The following ADAM8 variants were observed in gnomAD, a reference collection of about 807,000 sequenced individuals.
The protein encoded by ADAM8 is disintegrin and metalloproteinase domain-containing protein 8.
Under a neutral mutation model 102.4 loss-of-function variants are expected in ADAM8, and 104 were observed. That is an observed-to-expected ratio of 1.02 (90% CI 0.87 to 1.20). ADAM8 has a LOEUF of 1.20. ADAM8 is among the 50% of genes most tolerant of loss of function. The probability of loss-of-function intolerance (pLI) is 0.00; values close to 1 mark genes in which losing one functional copy is unlikely to be tolerated. For synonymous variants in ADAM8, 517 were observed against 485.2 expected (o/e 1.07, Z -0.86); for missense variants, 1,132 against 1,159.0 (o/e 0.98, Z 0.34).
intron 11 of ADAM8, 26 bp from the exon 12 acceptor site, chr10:133,271,731 G>C: frequency 6.4e-7 from 1 of 1,571,334 alleles, no homozygotes; most frequent in Non-Finnish European, 8.6e-7. Flanking sequence ...AGCATTGGGG[G>C]AGGCGGCCTG....
chr10:133,275,643 G>C, intron 1 of ADAM8, 56 bp from the exon 2 acceptor site: 4 of 958,304 alleles, frequency 4.2e-6, no homozygotes, highest in Non-Finnish European at 6.0e-6. Context: ...TTCCTTCCCA[G>C]AGGCCTCCTG....
chr10:133,272,177 G>A lies in ADAM8; in HGVS notation c.957+16C>T, dbSNP rs1401906865. On this transcript the variant is annotated intron_variant, in intron 10 of 22. Coordinates refer to ENST00000445355, the MANE Select transcript of ADAM8 (RefSeq NM_001109.5). ...TCTGGCCTCGGCCTGGCAAACCCGGGCAGGAGCCCCCTCACCTGGTTCACA... is the reference window on the plus strand; with the variant it reads ...TCTGGCCTCGGCCTGGCAAACCCGGACAGGAGCCCCCTCACCTGGTTCACA... 6.5e-7 allele frequency: 1 copy of A among 1,549,652 alleles called. No homozygotes were observed. The highest frequency in any genetic ancestry group is 2.0e-5 in the Admixed American group (1 of 50,970).
Position 133,271,711 on chromosome 10 carries a change from G to C in ADAM8, c.1107-6C>G, listed in dbSNP as rs762047716. On this transcript the variant is annotated splice_region_variant and splice_polypyrimidine_tract_variant and intron_variant, in intron 11 of 22. Coordinates refer to ENST00000445355, the MANE Select transcript of ADAM8 (RefSeq NM_001109.5). Reference sequence around the variant, plus strand: ...ACATCCTGGGGAAACTGGAGCTGGGGAGGCGGGGCAGCATTGGGGGAGGCG... The same window carrying C: ...ACATCCTGGGGAAACTGGAGCTGGGCAGGCGGGGCAGCATTGGGGGAGGCG... 1 of 1,546,932 alleles carries C rather than the reference G, an allele frequency of 6.5e-7. No individual in the cohort carries two copies. The highest frequency in any genetic ancestry group is 1.2e-5 in the South Asian group (1 of 83,890).
At position 133,267,378 on chromosome 10, in the gene ADAM8, C is replaced by T; in HGVS notation, c.2293G>A (p.Val765Ile). ...TVSSPPFPVP[V>I]YTRQAPKQVI... ...TGCTTTGGTGCCTGCCGGGTGTAGA[C>T]AGGAACTGGGAAGGGTGGGCTGGAC... Residue 765 changes from valine to isoleucine, a missense_variant, in exon 21 of 23, where the codon GTC becomes ATC. Physicochemically the swap from Val to Ile is conservative, Grantham distance 29 (BLOSUM62 3). Coordinates refer to ENST00000445355, the MANE Select transcript of ADAM8 (RefSeq NM_001109.5). 6.2e-7 allele frequency: 1 copy of T among 1,610,464 alleles called. No homozygotes were observed. Among genetic ancestry groups the T allele is most frequent in the Non-Finnish European group, 8.5e-7 (1 of 1,179,198 alleles).
intron 21 of ADAM8, 114 bp from the exon 22 acceptor site, chr10:133,263,879 C>G (rs550285904): frequency 1.5e-5 from 14 of 950,656 alleles, no homozygotes; most frequent in Admixed American, 3.7e-5. Context: ...GCTCTGCCCC[C>G]CAGGGAGCCT....
chr10:133,273,195 C>A, intron 6 of ADAM8, 59 bp downstream of exon 6: 1 of 1,585,100 alleles, frequency 6.3e-7, no homozygotes, highest in Non-Finnish European at 8.6e-7. Context: ...GGAGGACTCA[C>A]AGGCCAGGCA....
chr10:133,272,513 C>T lies in ADAM8; in HGVS notation c.778G>A (p.Val260Ile), dbSNP rs757772199. The part of the protein sequence containing the change: ...EIWNSQDRFH[V>I]SPDPSVTLEN... ...AGTGTGACACTGGGGTCGGGGCTGA[C>T]GTGGAACCTGTCCTGACTATTCCAA... The change falls in exon 9 of 23, where the codon GTC (valine) becomes ATC (isoleucine). Residue 260 changes from valine (V) to isoleucine (I), a missense_variant. Transcript: ENST00000445355. 8.1e-6 allele frequency: 13 copies of T among 1,612,204 alleles called. No individual in the cohort carries two copies. The highest frequency in any genetic ancestry group is 2.2e-5 in the South Asian group (2 of 91,076).
rs1846486372 is a variant in ADAM8, at chr10:133,270,524, G to A, written c.1635-14C>T. The A allele has an allele frequency of 4.4e-6, 7 of 1,576,748 alleles. No individual in the cohort carries two copies. The highest frequency in any genetic ancestry group is 5.2e-6 in the Non-Finnish European group (6 of 1,153,720). On this transcript the variant is annotated splice_polypyrimidine_tract_variant and intron_variant, in intron 15 of 22. Coordinates refer to ENST00000445355, the MANE Select transcript of ADAM8 (RefSeq NM_001109.5). ...CACATGTCAGCCCTGTGGATGGACG[G>A]CAGGTCGTGGGCCAGCTTGCCTGGG...
At chr10:133,263,797 C>G (rs1455657921) in intron 21 of ADAM8, 32 bp from the exon 22 acceptor site, 3 of 1,486,432 alleles carry the variant, frequency 2.0e-6, no homozygotes, top group East Asian at 2.6e-5. Flanking sequence ...TGACATGGGT[C>G]CCCCAGGCAC....
chr10:133,263,696 G>C lies in ADAM8; in HGVS notation c.2389C>G (p.Pro797Ala), dbSNP rs1258313214. 1.3e-6 allele frequency: 2 copies of C among 1,561,038 alleles called. No homozygotes were observed. Among genetic ancestry groups the C allele is most frequent in the Non-Finnish European group, 1.7e-6 (2 of 1,152,804 alleles). The change falls in exon 22 of 23, where the codon CCA becomes GCA. Residue 797 changes from proline (P) to alanine (A), a missense_variant. Coordinates refer to ENST00000445355, the MANE Select transcript of ADAM8 (RefSeq NM_001109.5). ...KPGAGAANPG[P>A]AEGAVGPKVA... ...GTGTGCTGGGGCCTCACCTCAGCTG[G>C]ACCAGGGTTGGCCGCACCAGCCCCG...
chr10:133,273,497 C>A, intron 5 of ADAM8, 54 bp from the exon 6 acceptor site: 2 of 1,479,038 alleles, frequency 1.4e-6, no homozygotes, highest in Non-Finnish European at 1.8e-6. Context: ...CCTGGTCCTG[C>A]CCCGAAGGAC....
rs762579127 is a variant in ADAM8 at position 133,267,939 on chromosome 10, G to A, written c.2243C>T (p.Pro748Leu). Residue 748 changes from proline to leucine, a missense_variant, in exon 20 of 23, where the codon CCG becomes CTG. Pro to Leu is a moderately conservative substitution (Grantham distance 98). Coordinates refer to ENST00000445355, the MANE Select transcript of ADAM8 (RefSeq NM_001109.5). ...HPASSVALKR[P>L]PPAPPVTVSS... ...AGGGGTGGTGCTTACAGCAGGGGGC[G>A]GCCTCTTCAGAGCCACCGAGGAGGC... 2.6e-5 allele frequency: 33 copies of A among 1,261,060 alleles called. No homozygotes were observed. The highest frequency in any genetic ancestry group is 3.1e-5 in the Non-Finnish European group (31 of 996,808). The allele number at this position is 1,261,060 out of a possible 1,614,324, so 78.1% of individuals were successfully genotyped here.
At chr10:133,274,275 C>T (rs760238888) in intron 2 of ADAM8, 40 bp from the exon 3 acceptor site, 40 of 1,497,772 alleles carry the variant, frequency 2.7e-5, no homozygotes, top group South Asian at 4.0e-5. Context: ...GCAGCCTGCC[C>T]GGGCTGTGCC....
intron 11 of ADAM8, 50 bp from the exon 12 acceptor site, chr10:133,271,755 C>T: frequency 2.5e-6 from 4 of 1,599,138 alleles, no homozygotes; most frequent in Non-Finnish European, 3.4e-6. Context: ...CCTTCCCCAC[C>T]CACCTCGTAC....
In ADAM8 at chr10:133,269,553, G is replaced by A. The variant is rs754415875; in HGVS notation, c.1864-24C>T. 21 of 1,574,436 alleles carry A rather than the reference G, an allele frequency of 1.3e-5. 1 individual carries two copies. In the South Asian group the frequency reaches 2.4e-4, roughly 18 times the overall value. The stretch of plus-strand genomic sequence containing the variant: ...ACCTGCGGGGACGGCTGGGCTCAGG[G>A]CCAACCCTGTTGTGGACCCCAAGGG... On this transcript the variant is annotated intron_variant, in intron 17 of 22. Transcript: ENST00000445355.
chr10:133,264,515 G>A (rs1177120633), intron 21 of ADAM8, among the ~76,000 whole-genome samples: 1 of 152,226 alleles, frequency 6.6e-6, no homozygotes, highest in African/African-American at 2.4e-5. Flanking sequence ...TCCTGGCTGT[G>A]TCACACGGAG....
Position 133,271,574 on chromosome 10 carries a change from T to G in ADAM8, c.1238A>C (p.Asn413Thr), listed in dbSNP as rs1589807970. ...SHLVGGPVCG[N>T]LFVERGEQCD... is the part of the protein sequence containing the mutation. Reference sequence around the variant, plus strand: ...CTGCTCCCCACGCTCCACAAACAGGTTCCCACACACGGGGCCGCCCACCAG... The same window carrying G: ...CTGCTCCCCACGCTCCACAAACAGGGTCCCACACACGGGGCCGCCCACCAG... Residue 413 changes from asparagine to threonine, a missense_variant, in exon 12 of 23, where the codon AAC (asparagine) becomes ACC (threonine). Physicochemically the swap from Asn to Thr is moderately conservative, Grantham distance 65. Transcript: ENST00000445355. 6.4e-7 allele frequency: 1 copy of G among 1,559,516 alleles called. No individual in the cohort carries two copies. The highest frequency in any genetic ancestry group is 2.0e-5 in the Admixed American group (1 of 51,278).
chr10:133,267,332 G>A lies in ADAM8; in HGVS notation c.2319+20C>T, dbSNP rs1160801455. ...CTGGACACCCTCAGAAGGCTTGGCC[G>A]CCCAATCACCACTGCTCACCTGCTT... On this transcript the variant is annotated intron_variant, in intron 21 of 22. Coordinates refer to ENST00000445355, the MANE Select transcript of ADAM8 (RefSeq NM_001109.5). 19 of 1,600,402 alleles carry A rather than the reference G, an allele frequency of 1.2e-5. No individual in the cohort carries two copies. The highest frequency in any genetic ancestry group is 2.7e-5 in the African/African-American group (2 of 74,864).
chr10:133,267,084 T>G (rs1452945463), intron 21 of ADAM8, among the ~76,000 whole-genome samples: 1 of 151,814 alleles, frequency 6.6e-6, no homozygotes, highest in African/African-American at 2.4e-5. Context: ...AGGGGCTTGG[T>G]GGGCGGAGCA....
Sources: allele counts gnomAD v4.1 joint callset (sites outside exome capture counted in the v4.1 genomes callset), GRCh38; gene constraint gnomAD v4.1.1; transcripts MANE v1.5; gene names NCBI Gene and HGNC (gene_info 2026-07-23, HGNC 2026-07-21).